KLF4: variants seen among roughly 807,000 people sequenced by gnomAD.
KLF4 encodes the protein KLF transcription factor 4.
Under a neutral mutation model 38.0 loss-of-function variants are expected in KLF4, and 14 were observed. The observed-to-expected ratio is 0.37, with a 90% CI of 0.24 to 0.58. The LOEUF is 0.58. Among genes scored for constraint, KLF4 ranks in the 20% least tolerant of loss-of-function variants. The pLI, the probability that KLF4 is intolerant of heterozygous loss-of-function variation, is 0.76. For missense variants in KLF4, 737 were observed against 670.1 expected, an observed-to-expected ratio of 1.10 and a Z score of -1.10; for synonymous variants, 398 against 302.5, an observed-to-expected ratio of 1.32 and a Z score of -3.28.
Position 107,488,871 on chromosome 9 carries a change from C to T in KLF4, c.126+59G>A. On this transcript the variant is annotated intron_variant, in intron 2 of 4. Coordinates refer to ENST00000374672, the MANE Select transcript of KLF4 (RefSeq NM_004235.6). This position sits in a 1 kb window ranked among gnomAD's most constrained non-coding sequence, Gnocchi z 5.7. ...CTTGGTGACCCCAAGGCTCCGCCCGCCCCCACCACACCCACGAAAACCCAC... is the reference window on the plus strand; with the variant it reads ...CTTGGTGACCCCAAGGCTCCGCCCGTCCCCACCACACCCACGAAAACCCAC... The T allele has an allele frequency of 6.5e-7, 1 of 1,527,240 alleles. No individual in the cohort carries two copies. Among genetic ancestry groups the T allele is most frequent in the East Asian group, 2.5e-5 (1 of 40,478 alleles). The allele number at this position is 1,527,240 out of a possible 1,614,324, so 94.6% of individuals were successfully genotyped here.
At position 107,485,974 on chromosome 9, in the gene KLF4, G is replaced by A; in HGVS notation, c.1265-48C>T. On this transcript the variant is annotated intron_variant, in intron 4 of 4. Transcript: ENST00000374672. This position sits in a 1 kb window ranked among gnomAD's most constrained non-coding sequence, Gnocchi z 4.9. ...AAATTGACGCTATTGCTATATCAAA[G>A]AATCGCCCCTTTTAAAAACTGAAGG... is the stretch of plus-strand genomic sequence containing the variant. 2 of 1,558,620 alleles carry A rather than the reference G, an allele frequency of 1.3e-6. No individual in the cohort carries two copies. The highest frequency in any genetic ancestry group is 1.7e-6 in the Non-Finnish European group (2 of 1,152,480).
In KLF4 at chr9:107,485,102, ACTGT is replaced by A. The variant is rs144943435; in HGVS notation, c.*645_*648del. 0.028 allele frequency: 5,660 copies of A among 200,710 alleles called. 315 individuals carry two copies. The highest frequency in any genetic ancestry group is 0.12 in the African/African-American group (5,240 of 43,606). The allele number at this position is 200,710 out of a possible 1,614,324, so 12.4% of individuals were successfully genotyped here. ...CATCTGAAACCACAGTGCATAACAG[ACTGT>A]CTGCATAAAAATGCTAAAGAAGTAA... On this transcript the variant is annotated 3_prime_UTR_variant, in exon 5 of 5. Transcript: ENST00000374672. The surrounding 1 kb of genome is among the most constrained non-coding windows in gnomAD (Gnocchi z 4.9).
chr9:107,487,729 C>G lies in KLF4; in HGVS notation c.665G>C (p.Gly222Ala). ...YIPPQQPQPPGGGLMGKFVLK... is the reference protein window; with the variant it reads ...YIPPQQPQPPAGGLMGKFVLK... ...CACGAACTTGCCCATCAGCCCGCCA[C>G]CTGGCGGCTGCGGCTGCTGCGGCGG... The change falls in exon 3 of 5, where the codon GGT becomes GCT. Residue 222 changes from glycine to alanine, a missense_variant. This residue lies in a region of KLF4 where 695 missense variants were observed against 554.5 expected (regional missense o/e 1.25). Transcript: ENST00000374672. This position sits in a 1 kb window ranked among gnomAD's most constrained non-coding sequence, Gnocchi z 6.1. 6.3e-7 allele frequency: 1 copy of G among 1,594,550 alleles called. No homozygotes were observed. Among genetic ancestry groups the G allele is most frequent in the Non-Finnish European group, 8.5e-7 (1 of 1,171,380 alleles).
rs892601306 is a variant in KLF4, at chr9:107,489,240, G to T, written c.-68C>A. The T allele has an allele frequency of 1.4e-6, 2 of 1,433,418 alleles. No individual in the cohort carries two copies. Among genetic ancestry groups the T allele is most frequent in the African/African-American group, 2.9e-5 (2 of 69,148 alleles). 88.8% of individuals were successfully genotyped at this position (1,433,418 alleles called of 1,614,324 possible). ...GGGGCACCTGAACCCCAAAGTCAAC[G>T]AAGAGAAGAAACGAAGCCAAAACCC... is the stretch of plus-strand genomic sequence containing the variant. On this transcript the variant is annotated 5_prime_UTR_variant, in exon 1 of 5. Transcript: ENST00000374672.
rs781545959 is a variant in KLF4 at position 107,487,184 on chromosome 9, G to C, written c.1108C>G (p.Pro370Ala). ...TCCTCTGGCATGCAGGAACCGGGTGGCATGAGCTCTAGGGGTGAAGAAGGT... is the reference window on the plus strand; with the variant it reads ...TCCTCTGGCATGCAGGAACCGGGTGCCATGAGCTCTAGGGGTGAAGAAGGT... ...VPPLHYQELM[P>A]PGSCMPEEPK... The change falls in exon 4 of 5, where the codon CCA becomes GCA. Residue 370 changes from proline to alanine, a missense_variant. Pro to Ala is a conservative substitution (Grantham distance 27, BLOSUM62 -1). This residue lies in a region of KLF4 where 695 missense variants were observed against 554.5 expected (regional missense o/e 1.25). Transcript: ENST00000374672. This position sits in a 1 kb window ranked among gnomAD's most constrained non-coding sequence, Gnocchi z 6.1. The C allele has an allele frequency of 1.2e-6, 2 of 1,614,126 alleles. No individual in the cohort carries two copies. The highest frequency in any genetic ancestry group is 2.2e-5 in the East Asian group (1 of 44,864).
In KLF4 at chr9:107,487,211, G is replaced by A. The variant is rs759037029; in HGVS notation, c.1100-19C>T. On this transcript the variant is annotated intron_variant, in intron 3 of 4. Transcript: ENST00000374672. The surrounding 1 kb of genome is among the most constrained non-coding windows in gnomAD (Gnocchi z 6.1). ...ATGAGCTCTAGGGGTGAAGAAGGTGGGGTGAGCATCATCCCGTGTGTCCCG... is the reference window on the plus strand; with the variant it reads ...ATGAGCTCTAGGGGTGAAGAAGGTGAGGTGAGCATCATCCCGTGTGTCCCG... 3 of 1,612,938 alleles carry A rather than the reference G, an allele frequency of 1.9e-6. No individual in the cohort carries two copies. The highest frequency in any genetic ancestry group is 2.5e-6 in the Non-Finnish European group (3 of 1,179,318).
Position 107,487,858 on chromosome 9 carries a change from G to T in KLF4, c.536C>A (p.Pro179His). 6.5e-7 allele frequency: 1 copy of T among 1,530,146 alleles called. No homozygotes were observed. The allele number at this position is 1,530,146 out of a possible 1,614,324, so 94.8% of individuals were successfully genotyped here. A position where few individuals can be genotyped will look rare whatever the true frequency, so the allele number is the denominator to read the frequency against. Residue 179 changes from proline to histidine, a missense_variant, in exon 3 of 5, where the codon CCC (proline) becomes CAC (histidine). Around this residue, in one of 2 missense-constraint regions of KLF4, gnomAD observed 695 missense variants for 554.5 expected, o/e 1.25. Transcript: ENST00000374672. This position sits in a 1 kb window ranked among gnomAD's most constrained non-coding sequence, Gnocchi z 6.1. ...GGLLYGRESA[P>H]PPTAPFNLAD... ...CAGGTTGAAGGGAGCCGTCGGAGGG[G>T]GAGCGGACTCCCTGCCATAGAGGAG...
rs1392043104 is a variant in KLF4 at position 107,489,620 on chromosome 9, T to TGGGCGCG, written c.-455_-449dup. 6 of 117,894 alleles carry TGGGCGCG rather than the reference T, an allele frequency of 5.1e-5. No homozygotes were observed. Among genetic ancestry groups the TGGGCGCG allele is most frequent in the African/African-American group, 3.0e-4 (6 of 19,850 alleles). 7.3% of individuals were successfully genotyped at this position (117,894 alleles called of 1,614,324 possible). A position where few individuals can be genotyped will look rare whatever the true frequency, so the allele number is the denominator to read the frequency against. Reference sequence around the variant, plus strand: ...GAGTTGTGTGGAGCGCGCGCGGCCATGGGCGCGGGCCACGGGCGGGTGGGA... The same window carrying TGGGCGCG: ...GAGTTGTGTGGAGCGCGCGCGGCCATGGGCGCGGGGCGCGGGCCACGGGCGGGTGGGA... On this transcript the variant is annotated 5_prime_UTR_variant, in exon 1 of 5. Coordinates refer to ENST00000374672, the MANE Select transcript of KLF4 (RefSeq NM_004235.6).
rs1469879658 is a variant in KLF4, at chr9:107,487,957, G to A, written c.437C>T (p.Ser146Phe). The stretch of plus-strand genomic sequence containing the variant: ...GATCGGATAGGTGAAGCTGCAGGTG[G>A]AGGGCGCGCTGGCAGGGCCGCTGCT... ...PSSSGPASAP[S>F]TCSFTYPIRA... is the part of the protein sequence containing the mutation. The change falls in exon 3 of 5, where the codon TCC becomes TTC. Residue 146 changes from serine to phenylalanine, a missense_variant. By Grantham distance (155) the Ser-to-Phe change is radical. Coordinates refer to ENST00000374672, the MANE Select transcript of KLF4 (RefSeq NM_004235.6). This position sits in a 1 kb window ranked among gnomAD's most constrained non-coding sequence, Gnocchi z 6.1. 3.2e-6 allele frequency: 5 copies of A among 1,584,632 alleles called. No homozygotes were observed. Among genetic ancestry groups the A allele is most frequent in the South Asian group, 1.1e-5 (1 of 87,890 alleles).
rs761129539 is a variant in KLF4, at chr9:107,485,865, T to C, written c.1326A>G (p.Glu442=). The C allele has an allele frequency of 2.5e-6, 4 of 1,612,678 alleles. No individual in the cohort carries two copies. Among genetic ancestry groups the C allele is most frequent in the Admixed American group, 1.7e-5 (1 of 59,694 alleles). ...GCGWKFARSD[E]LTRHYRKHTG... ...TGTGTTTACGGTAGTGCCTGGTCAG[T>C]TCATCTGAGCGGGCGAATTTCCATC... The change falls in exon 5 of 5, where the codon GAA becomes GAG. Residue 442 remains glutamate, a synonymous_variant. Coordinates refer to ENST00000374672, the MANE Select transcript of KLF4 (RefSeq NM_004235.6). The surrounding 1 kb of genome is among the most constrained non-coding windows in gnomAD (Gnocchi z 4.9).
intron 4 of KLF4, 116 bp from the exon 5 acceptor site, chr9:107,486,042 G>C: frequency 1.2e-6 from 1 of 858,462 alleles, no homozygotes; most frequent in East Asian, 2.7e-5. Context: ...AAGAAATCCA[G>C]GAATGTCTTT....
chr9:107,485,674 C>T lies in KLF4; in HGVS notation c.*77G>A. 7.3e-7 allele frequency: 1 copy of T among 1,374,810 alleles called. No individual in the cohort carries two copies. The highest frequency in any genetic ancestry group is 9.7e-7 in the Non-Finnish European group (1 of 1,028,848). The allele number at this position is 1,374,810 out of a possible 1,614,324, so 85.2% of individuals were successfully genotyped here. On this transcript the variant is annotated 3_prime_UTR_variant, in exon 5 of 5. Transcript: ENST00000374672. This position sits in a 1 kb window ranked among gnomAD's most constrained non-coding sequence, Gnocchi z 4.9. Reference sequence around the variant, plus strand: ...TGCTTTCTGGCTGGGCTCCTTCCCTCATCGGGAAGACAGTGTGAAAAGTAA... The same window carrying T: ...TGCTTTCTGGCTGGGCTCCTTCCCTTATCGGGAAGACAGTGTGAAAAGTAA...
Position 107,487,620 on chromosome 9 carries a change from G to A in KLF4, c.774C>T (p.Ser258=), listed in dbSNP as rs775264644. 13 of 1,601,650 alleles carry A rather than the reference G, an allele frequency of 8.1e-6. No individual in the cohort carries two copies. The highest frequency in any genetic ancestry group is 1.0e-5 in the Non-Finnish European group (12 of 1,178,064). The change falls in exon 3 of 5, where the codon AGC becomes AGT. Residue 258 remains serine (S), a synonymous_variant. Coordinates refer to ENST00000374672, the MANE Select transcript of KLF4 (RefSeq NM_004235.6). The surrounding 1 kb of genome is among the most constrained non-coding windows in gnomAD (Gnocchi z 6.1). Reference sequence around the variant, plus strand: ...TGTAGGGCGCCACCACCACCGGGTGGCTGCCGTCAGGGCTGCCTTTGCTGA... The same window carrying A: ...TGTAGGGCGCCACCACCACCGGGTGACTGCCGTCAGGGCTGCCTTTGCTGA... ...ISVSKGSPDG[S]HPVVVAPYNG... is the part of the protein sequence containing the mutation.
At chr9:107,486,025 T>C in intron 4 of KLF4, 99 bp from the exon 5 acceptor site, 1 of 1,021,322 alleles carries the variant, frequency 9.8e-7, no homozygotes, top group Non-Finnish European at 1.4e-6. Flanking sequence ...ACTCTGACCC[T>C]ATCCTAAAGA....
chr9:107,487,000 C>G (rs1008395170), intron 4 of KLF4, 28 bp downstream of exon 4: 1 of 1,613,900 alleles, frequency 6.2e-7, no homozygotes, highest in Non-Finnish European at 8.5e-7. Flanking sequence ...AAGCTAACCC[C>G]CCTCCCTTCT....
At position 107,486,303 on chromosome 9, in the gene KLF4, T is replaced by C. The variant is rs556393839; in HGVS notation, c.1265-377A>G. 3.9e-5 allele frequency among the ~76,000 whole-genome samples: 6 copies of C among 152,266 alleles called. No individual in the cohort carries two copies. In the East Asian group the frequency reaches 9.7e-4, roughly 25 times the overall value. On this transcript the variant is annotated intron_variant, in intron 4 of 4. Transcript: ENST00000374672. ...AGTGTGCCCAAACCATGCAATCTTA[T>C]TCCTACTACGACTGGGGATAAAAAG...
At chr9:107,486,838 C>G (rs995816204) in intron 4 of KLF4, among the ~76,000 whole-genome samples, 190 bp downstream of exon 4, 4 of 152,100 alleles carry the variant, frequency 2.6e-5, no homozygotes, top group African/African-American at 9.7e-5. Flanking sequence ...GTTTGCTGTT[C>G]TCTCCAGTGA....
Position 107,487,679 on chromosome 9 carries a change from C to T in KLF4, c.715G>A (p.Gly239Ser), listed in dbSNP as rs1372408568. 5 of 1,604,654 alleles carry T rather than the reference C, an allele frequency of 3.1e-6. No homozygotes were observed. In the African/African-American group the frequency reaches 6.7e-5, roughly 21 times the overall value. The change falls in exon 3 of 5, where the codon GGC (glycine) becomes AGC (serine). Residue 239 changes from glycine (G) to serine (S), a missense_variant. Transcript: ENST00000374672. This position sits in a 1 kb window ranked among gnomAD's most constrained non-coding sequence, Gnocchi z 6.1. ...FVLKASLSAP[G>S]SEYGSPSVIS... ...ACCGACGGGCTGCCGTACTCGCTGC[C>T]AGGGGCGCTCAGCGACGCCTTCAGC...
In KLF4 at chr9:107,488,470, G is replaced by A. The variant is rs1829129139; in HGVS notation, c.127-203C>T. 3.3e-6 allele frequency: 3 copies of A among 921,526 alleles called. No individual in the cohort carries two copies. Among genetic ancestry groups the A allele is most frequent in the Non-Finnish European group, 4.7e-6 (3 of 633,142 alleles). 57.1% of individuals were successfully genotyped at this position (921,526 alleles called of 1,614,324 possible). On this transcript the variant is annotated intron_variant, in intron 2 of 4. Transcript: ENST00000374672. This position sits in a 1 kb window ranked among gnomAD's most constrained non-coding sequence, Gnocchi z 5.7. ...GAAGAGGTGATGCGTCTGTATTGCGGGTGTTATGTCCTGTCTGCCCAATTG... is the reference window on the plus strand; with the variant it reads ...GAAGAGGTGATGCGTCTGTATTGCGAGTGTTATGTCCTGTCTGCCCAATTG...
Sources: allele counts gnomAD v4.1 joint callset (sites outside exome capture counted in the v4.1 genomes callset), GRCh38; gene constraint gnomAD v4.1.1; regional missense constraint gnomAD v4.1.1; non-coding constraint Gnocchi (gnomAD v3.1); transcripts MANE v1.5; gene names NCBI Gene and HGNC (gene_info 2026-07-23, HGNC 2026-07-21).